The following SHPRH variants were observed in gnomAD, a reference collection of about 807,000 sequenced individuals.
The protein encoded by SHPRH is SNF2 histone linker PHD RING helicase, also known as E3 ubiquitin-protein ligase SHPRH.
In SHPRH, 106 loss-of-function variants were observed where a neutral mutation model predicts 202.5. The ratio of observed to expected loss-of-function variants is 0.52; its 90% CI spans 0.45 to 0.62. The LOEUF (loss-of-function observed/expected upper bound fraction) is 0.62, where lower values mean the gene tolerates loss of function less well. Among genes scored for constraint, SHPRH ranks in the 20% least tolerant of loss-of-function variants. SHPRH has a pLI of 0.00. For missense variants in SHPRH, 1,710 were observed against 2,020.0 expected (o/e 0.85, Z 2.94); for synonymous variants, 729 against 686.0 (o/e 1.06, Z -0.98).
intron 11 of SHPRH, among the ~76,000 whole-genome samples, chr6:145,936,969 A>G (rs896674874): frequency 6.9e-6 from 1 of 144,286 alleles, no homozygotes; most frequent in Admixed American, 7.1e-5. Context: ...TTTTGCACAC[A>G]TGCTTCATCT....
At chr6:145,911,051 A>C (rs1322642352) in intron 24 of SHPRH, among the ~76,000 whole-genome samples, 1 of 152,180 alleles carries the variant, frequency 6.6e-6, no homozygotes, top group Admixed American at 6.6e-5. Context: ...TATATAGAAA[A>C]TAATATGGGA....
intron 13 of SHPRH, 22 bp downstream of exon 13, chr6:145,934,884 TA>T (rs756438838): frequency 1.3e-5 from 20 of 1,577,080 alleles, no homozygotes; most frequent in Admixed American, 5.3e-5. Flanking sequence ...CAACTGCAAT[TA>T]AAAAAAAGTT....
rs1787059851 is a variant in SHPRH at position 145,943,747 on chromosome 6, T to C, written c.1634A>G (p.Asp545Gly). ...QKETRKSGNK[D>G]TDSEYLPSDT... Reference sequence around the variant, plus strand: ...TGATGGCAAGTATTCAGAATCTGTGTCCTTGTTCCCTGATTTTCTAGTTTC... The same window carrying C: ...TGATGGCAAGTATTCAGAATCTGTGCCCTTGTTCCCTGATTTTCTAGTTTC... The change falls in exon 9 of 30, where the codon GAC (aspartate) becomes GGC (glycine). Residue 545 changes from aspartate (D) to glycine (G), a missense_variant. Around this residue, in one of 8 missense-constraint regions of SHPRH, gnomAD observed 348 missense variants for 356.9 expected, o/e 0.97. Transcript: ENST00000275233. The C allele has an allele frequency of 3.1e-6, 5 of 1,603,860 alleles. No homozygotes were observed. In the African/African-American group the frequency reaches 4.0e-5, roughly 13 times the overall value.
At chr6:145,951,495 T>C (rs1367855442) in intron 3 of SHPRH, among the ~76,000 whole-genome samples, 1 of 152,092 alleles carries the variant, frequency 6.6e-6, no homozygotes, top group East Asian at 1.9e-4. Flanking sequence ...CTAAGATTAA[T>C]AGCTAAATTT....
intron 26 of SHPRH, among the ~76,000 whole-genome samples, chr6:145,894,502 T>C (rs1401429429): frequency 6.6e-6 from 1 of 151,208 alleles, no homozygotes; most frequent in Admixed American, 6.6e-5. Flanking sequence ...ATGGAGTGCA[T>C]ACTGGAATAT....
At chr6:145,957,150 T>C (rs1383843217) in intron 1 of SHPRH, among the ~76,000 whole-genome samples, 1 of 152,066 alleles carries the variant, frequency 6.6e-6, no homozygotes, top group South Asian at 2.1e-4. Flanking sequence ...TTTTAGTAAA[T>C]GGATACCAAT....
At chr6:145,901,223 C>A (rs977028778) in intron 25 of SHPRH, among the ~76,000 whole-genome samples, 1 of 151,980 alleles carries the variant, frequency 6.6e-6, no homozygotes, top group African/African-American at 2.4e-5. Flanking sequence ...TGGAGAAAAA[C>A]ATAAAAGGAT....
chr6:145,875,846 G>A (rs1051325111), intron 2 of SHPRH, among the ~76,000 whole-genome samples: 9 of 152,194 alleles, frequency 5.9e-5, no homozygotes, highest in Non-Finnish European at 1.0e-4. Context: ...GAGATTCACA[G>A]GCCTGGAGTA....
At position 145,893,382 on chromosome 6, in the gene SHPRH, T is replaced by G. The variant is rs778857712; in HGVS notation, c.4707A>C (p.Ser1569=). 3 of 1,586,088 alleles carry G rather than the reference T, an allele frequency of 1.9e-6. No individual in the cohort carries two copies. Among genetic ancestry groups the G allele is most frequent in the Non-Finnish European group, 2.6e-6 (3 of 1,170,190 alleles). Reference sequence around the variant, plus strand: ...TGATTTGGGGATCACGTTTAAATGCTGAAAGGTTCTCCTAAAAAAGAAAGG... The same window carrying G: ...TGATTTGGGGATCACGTTTAAATGCGGAAAGGTTCTCCTAAAAAAGAAAGG... ...SRVKTFQENL[S]AFKRDPQINI... Residue 1569 remains serine, a synonymous_variant, in exon 28 of 30, where the codon TCA becomes TCC. Coordinates refer to ENST00000275233, the MANE Select transcript of SHPRH (RefSeq NM_001042683.3).
At chr6:145,880,630 A>G (rs1363910567), downstream of SHPRH, among the ~76,000 whole-genome samples, 3 of 151,840 alleles carry the variant, frequency 2.0e-5, no homozygotes, top group South Asian at 4.1e-4. Context: ...TCTTGTCTCA[A>G]AGAAAAAAAA....
intron 10 of SHPRH, 137 bp downstream of exon 10, chr6:145,941,486 T>C (rs1786769049): frequency 2.3e-6 from 3 of 1,302,390 alleles, no homozygotes; most frequent in Non-Finnish European, 2.1e-6. Context: ...AAAGCACAAG[T>C]AGTGTTTAAT....
chr6:145,926,785 T>C (rs1166282599), intron 15 of SHPRH, among the ~76,000 whole-genome samples: 1 of 151,876 alleles, frequency 6.6e-6, no homozygotes, highest in Non-Finnish European at 1.5e-5. Context: ...AATATCCAAA[T>C]CTCCCTAAAG....
intron 2 of SHPRH, 89 bp downstream of exon 2, chr6:145,954,601 G>T: frequency 7.3e-7 from 1 of 1,374,322 alleles, no homozygotes; most frequent in Middle Eastern, 1.9e-4. Flanking sequence ...GCTTATTGCT[G>T]GCTTTTCAGA....
intron 3 of SHPRH, 57 bp from the exon 4 acceptor site, chr6:145,950,539 C>T: frequency 6.6e-7 from 1 of 1,520,020 alleles, no homozygotes; most frequent in African/African-American, 1.4e-5. Context: ...TAACTATAAG[C>T]AATTCTTATT....
downstream of SHPRH, chr6:145,883,144 T>A (rs1353363182): frequency 6.6e-6 from 1 of 152,212 alleles, no homozygotes; most frequent in Non-Finnish European, 1.5e-5. Flanking sequence ...GTAATAGTAG[T>A]GACCTATATA....
At chr6:145,877,854 A>G (rs746068372) in intron 2 of SHPRH, 1 of 152,224 alleles carries the variant, frequency 6.6e-6, no homozygotes, top group African/African-American at 2.4e-5. Flanking sequence ...AAAATGTTTA[A>G]ATTTACCTAT....
At chr6:145,916,185 T>C (rs892896421) in intron 23 of SHPRH, among the ~76,000 whole-genome samples, 4 of 152,148 alleles carry the variant, frequency 2.6e-5, no homozygotes, top group Non-Finnish European at 5.9e-5. Flanking sequence ...CATTTAATCC[T>C]ACTGTATAGA....
At chr6:145,912,755 C>T (rs1783605051) in intron 24 of SHPRH, among the ~76,000 whole-genome samples, 2 of 152,044 alleles carry the variant, frequency 1.3e-5, no homozygotes, top group African/African-American at 4.8e-5. Flanking sequence ...TACCTTTCAA[C>T]TCTCAGTTCC....
intron 25 of SHPRH, among the ~76,000 whole-genome samples, chr6:145,902,020 A>G (rs1373973748): frequency 6.6e-6 from 1 of 152,114 alleles, no homozygotes; most frequent in African/African-American, 2.4e-5. Context: ...AGACATACAA[A>G]GTGTTACCAG....
Sources: gnomAD v4.1 joint callset for allele counts (sites outside exome capture counted in the v4.1 genomes callset) on GRCh38, gnomAD v4.1.1 for gene constraint, gnomAD v4.1.1 regional missense constraint, MANE v1.5 for transcripts, NCBI Gene and HGNC (gene_info 2026-07-23, HGNC 2026-07-21) for gene names.